Variants in TOX3 observed in about 807,000 individuals in gnomAD.
TOX3 encodes CAG trinucleotide repeat-containing gene F9 protein.
A neutral mutation model predicts 64.3 loss-of-function variants in TOX3; 22 were observed. The ratio of observed to expected loss-of-function variants is 0.34; its 90% CI spans 0.24 to 0.49. TOX3 has a LOEUF of 0.49. TOX3 is among the 20% of genes least tolerant of loss of function. The pLI, the probability that TOX3 is intolerant of heterozygous loss-of-function variation, is 0.99. For synonymous variants in TOX3, 291 were observed against 273.6 expected (o/e 1.06, Z -0.63); for missense variants, 661 against 714.4 (o/e 0.93, Z 0.85).
intron 1 of TOX3, among the ~76,000 whole-genome samples, chr16:52,517,221 AT>A (rs1434144003): frequency 6.8e-6 from 1 of 147,960 alleles, no homozygotes; most frequent in Non-Finnish European, 1.5e-5. Flanking sequence ...GAGTATCCTA[AT>A]TCACTTCCTA....
chr16:52,486,562 T>C (rs1596817409), intron 1 of TOX3, among the ~76,000 whole-genome samples: 1 of 152,030 alleles, frequency 6.6e-6, no homozygotes, highest in East Asian at 1.9e-4. Context: ...AATACTCAAC[T>C]CCAGTTTTGG....
At chr16:52,510,670 C>T (rs575821199) in intron 1 of TOX3, among the ~76,000 whole-genome samples, 6 of 145,654 alleles carry the variant, frequency 4.1e-5, no homozygotes, top group East Asian at 4.3e-4. Flanking sequence ...GCAGGAGAAC[C>T]GCTTGAACCT....
At chr16:52,465,620 A>G (rs1960843012) in intron 2 of TOX3, among the ~76,000 whole-genome samples, 1 of 151,850 alleles carries the variant, frequency 6.6e-6, no homozygotes, top group South Asian at 2.1e-4. Context: ...GTCTGCTATT[A>G]TCAGTTAAGA....
Position 52,546,623 on chromosome 16 carries a change from C to A in TOX3, c.87+14G>T. On this transcript the variant is annotated intron_variant, in intron 1 of 6. Coordinates refer to ENST00000219746, the MANE Select transcript of TOX3 (RefSeq NM_001080430.4). ...TGGCCCCCGCCCCCCGGCCCACCGGCCCAGCCCGGTCACCTTGCTGTAGCC... is the reference window on the plus strand; with the variant it reads ...TGGCCCCCGCCCCCCGGCCCACCGGACCAGCCCGGTCACCTTGCTGTAGCC... 1 of 1,537,606 alleles carries A rather than the reference C, an allele frequency of 6.5e-7. No homozygotes were observed.
intron 3 of TOX3, among the ~76,000 whole-genome samples, chr16:52,459,855 TTAAAAA>T (rs1302251818): frequency 6.6e-6 from 1 of 152,100 alleles, no homozygotes; most frequent in East Asian, 1.9e-4. Flanking sequence ...AGTCATTTTC[TTAAAAA>T]TAAATATAAT....
intron 1 of TOX3, among the ~76,000 whole-genome samples, chr16:52,491,444 A>G (rs978994100): frequency 1.3e-5 from 2 of 152,328 alleles, no homozygotes; most frequent in African/African-American, 2.4e-5. Flanking sequence ...TGTGTTAAAT[A>G]AATGGGAGTA....
intron 6 of TOX3, among the ~76,000 whole-genome samples, chr16:52,443,900 G>A (rs1960079306): frequency 6.6e-6 from 1 of 152,090 alleles, no homozygotes; most frequent in African/African-American, 2.4e-5. Flanking sequence ...TATAACCACA[G>A]GAGAATTTAT....
intron 1 of TOX3, among the ~76,000 whole-genome samples, chr16:52,499,578 C>G (rs1961948761): frequency 1.3e-5 from 2 of 152,120 alleles, no homozygotes; most frequent in South Asian, 4.1e-4. Flanking sequence ...TGCCTGAGGT[C>G]AAAGGACTTT....
At chr16:52,484,886 A>T (rs1481966688) in intron 1 of TOX3, among the ~76,000 whole-genome samples, 1 of 152,076 alleles carries the variant, frequency 6.6e-6, no homozygotes, top group Non-Finnish European at 1.5e-5. Context: ...CAATCCCAGA[A>T]CTGGGTATCT....
chr16:52,546,977 C>G lies in TOX3; in HGVS notation c.-254G>C, dbSNP rs113017633. 1.0e-6 allele frequency: 1 copy of G among 976,882 alleles called. No individual in the cohort carries two copies. Among genetic ancestry groups the G allele is most frequent in the South Asian group, 4.6e-5 (1 of 21,832 alleles). 60.5% of individuals were successfully genotyped at this position (976,882 alleles called of 1,614,324 possible). On this transcript the variant is annotated 5_prime_UTR_variant, in exon 1 of 7. Coordinates refer to ENST00000219746, the MANE Select transcript of TOX3 (RefSeq NM_001080430.4). ...GCGCCCCGCCGGGGCACCGAGGCAG[C>G]GCTGCGCGCGGGCCGGGCGCCGGGG...
At chr16:52,516,260 A>G (rs45591841) in intron 1 of TOX3, among the ~76,000 whole-genome samples, 15 of 152,314 alleles carry the variant, frequency 9.8e-5, no homozygotes, top group African/African-American at 1.4e-4. Context: ...AATTTCAGAA[A>G]CTAGGTCTAT....
chr16:52,436,856 C>G lies in TOX3; in HGVS notation c.*2369G>C, dbSNP rs1416185599. 2.0e-5 allele frequency: 3 copies of G among 152,160 alleles called. No homozygotes were observed. The highest frequency in any genetic ancestry group is 7.2e-5 in the African/African-American group (3 of 41,434). 9.4% of individuals were successfully genotyped at this position (152,160 alleles called of 1,614,324 possible). ...TAGTGACATTTTTTTCCAAGCAATACTTCATGGGTTTTCAAAATGACAATT... is the reference window on the plus strand; with the variant it reads ...TAGTGACATTTTTTTCCAAGCAATAGTTCATGGGTTTTCAAAATGACAATT... On this transcript the variant is annotated 3_prime_UTR_variant, in exon 7 of 7. Coordinates refer to ENST00000219746, the MANE Select transcript of TOX3 (RefSeq NM_001080430.4).
At chr16:52,480,210 C>G (rs895014559) in intron 1 of TOX3, among the ~76,000 whole-genome samples, 3 of 152,202 alleles carry the variant, frequency 2.0e-5, no homozygotes, top group Non-Finnish European at 4.4e-5. Flanking sequence ...GTTAAAGACA[C>G]TTGTTACTAA....
At chr16:52,479,306 G>A (rs913686093) in intron 1 of TOX3, among the ~76,000 whole-genome samples, 5 of 152,182 alleles carry the variant, frequency 3.3e-5, no homozygotes, top group African/African-American at 1.2e-4. Flanking sequence ...ATTCTAGGCA[G>A]GAAGGACAGA....
chr16:52,456,594 C>T (rs1960524098), intron 3 of TOX3, among the ~76,000 whole-genome samples: 1 of 152,162 alleles, frequency 6.6e-6, no homozygotes, highest in Admixed American at 6.6e-5. Context: ...CAGGAAAAAT[C>T]CAATGAATGG....
intron 1 of TOX3, among the ~76,000 whole-genome samples, chr16:52,484,777 G>A (rs1252370859): frequency 6.6e-6 from 1 of 152,072 alleles, no homozygotes; most frequent in East Asian, 1.9e-4. Context: ...TGCCATGAAG[G>A]ATACAGCTAT....
chr16:52,482,671 A>AG (rs1159297482), intron 1 of TOX3, among the ~76,000 whole-genome samples: 1 of 152,128 alleles, frequency 6.6e-6, no homozygotes, highest in Non-Finnish European at 1.5e-5. Context: ...AAAAAAAGGG[A>AG]GGGGGGACAC....
intron 6 of TOX3, among the ~76,000 whole-genome samples, chr16:52,440,924 C>G (rs1008234925): frequency 2.0e-5 from 3 of 151,788 alleles, no homozygotes; most frequent in African/African-American, 7.3e-5. Context: ...CCACACCCAG[C>G]TAATTTTTTT....
At chr16:52,478,935 G>A (rs117175422) in intron 1 of TOX3, among the ~76,000 whole-genome samples, 1,682 of 152,276 alleles carry the variant, frequency 0.011, 10 homozygotes, top group Middle Eastern at 0.031. Context: ...TGGGGAAAAT[G>A]AATGGGTCAT....
Sources: gnomAD v4.1 joint callset for allele counts (sites outside exome capture counted in the v4.1 genomes callset) on GRCh38, gnomAD v4.1.1 for gene constraint, MANE v1.5 for transcripts, NCBI Gene and HGNC (gene_info 2026-07-23, HGNC 2026-07-21) for gene names.